The following PHF8 variants were observed in gnomAD, a reference collection of about 807,000 sequenced individuals.
PHF8 encodes the protein histone lysine demethylase PHF8.
In PHF8, 9 loss-of-function variants were observed where a neutral mutation model predicts 74.4. The ratio of observed to expected loss-of-function variants is 0.12; its 90% CI spans 0.07 to 0.21. PHF8 has a LOEUF of 0.21. Among genes scored for constraint, PHF8 ranks in the 10% least tolerant of loss-of-function variants. PHF8 has a pLI of 1.00. For missense variants in PHF8, 478 were observed against 816.6 expected, an observed-to-expected ratio of 0.59 and a Z score of 5.05; for synonymous variants, 311 against 316.6, an observed-to-expected ratio of 0.98 and a Z score of 0.19.
intron 14 of PHF8, among the ~76,000 whole-genome samples, chrX:53,991,491 G>T (rs2065659900): frequency 9.2e-6 from 1 of 108,867 alleles, no homozygotes; most frequent in African/African-American, 3.3e-5. Flanking sequence ...CGGAAACCCT[G>T]TCTCTACTAA....
At chrX:54,042,519 C>T (rs1254366985) in intron 2 of PHF8, 112 bp downstream of exon 2, 2 of 636,506 alleles carry the variant, frequency 3.1e-6, no homozygotes, top group Non-Finnish European at 2.5e-6. Context: ...GAACCTGAGT[C>T]TGGGAGAGGG....
intron 2 of PHF8, among the ~76,000 whole-genome samples, chrX:54,028,577 A>G (rs1223071279): frequency 9.0e-6 from 1 of 111,530 alleles, no homozygotes; most frequent in Non-Finnish European, 1.9e-5. Context: ...AAGCCAGATT[A>G]GACCCTTCCC....
intron 18 of PHF8, among the ~76,000 whole-genome samples, chrX:53,981,140 G>T (rs146874247): frequency 0.012 from 1,360 of 112,620 alleles, 23 homozygotes; most frequent in African/African-American, 0.04. Context: ...TTTGAACCAG[G>T]AAGGCAGAGA....
chrX:53,999,602 C>T (rs1289097128), intron 11 of PHF8: 7 of 326,296 alleles, frequency 2.1e-5, no homozygotes, highest in Non-Finnish European at 3.8e-5. Context: ...TAGCAGTTCC[C>T]GCTGAGTGTA....
chrX:53,945,291 G>A (rs1323589998), intron 19 of PHF8, among the ~76,000 whole-genome samples: 2 of 106,095 alleles, frequency 1.9e-5, no homozygotes, highest in Non-Finnish European at 3.9e-5. Context: ...CTTGCAGTAA[G>A]CTGAGATTGC....
At chrX:53,978,105 C>G (rs148427769) in intron 18 of PHF8, among the ~76,000 whole-genome samples, 8,709 of 108,684 alleles carry the variant, frequency 0.08, 583 homozygotes, top group African/African-American at 0.21. Context: ...GCCACCACAC[C>G]TGGCTAAATT....
Position 54,022,404 on chromosome X carries a change from C to T in PHF8, c.185-37G>A, listed in dbSNP as rs782178770. Reference sequence around the variant, plus strand: ...AAACATGAGAGATTGTGAGTCAGAACGGTCATGAGCTATGATACCAAGAAC... The same window carrying T: ...AAACATGAGAGATTGTGAGTCAGAATGGTCATGAGCTATGATACCAAGAAC... On this transcript the variant is annotated intron_variant, in intron 3 of 21. Transcript: ENST00000338154. The T allele has an allele frequency of 9.0e-6, 8 of 890,319 alleles. No homozygotes were observed. The African/African-American group carries it at 9.8e-5, about 11-fold the overall frequency. The allele number at this position is 890,319 out of a possible 1,213,427, so 73.4% of individuals were successfully genotyped here.
chrX:54,039,879 T>TA (rs1569530129), intron 2 of PHF8: 2 of 112,116 alleles, frequency 1.8e-5, no homozygotes, highest in Non-Finnish European at 3.8e-5. Context: ...TAACTAGAAA[T>TA]AAAAAATAGG....
chrX:53,941,712 TACAATAATA>T (rs1177392742), intron 20 of PHF8, among the ~76,000 whole-genome samples: 3 of 112,175 alleles, frequency 2.7e-5, no homozygotes, highest in Non-Finnish European at 5.6e-5. Flanking sequence ...ATTTCTGGGG[TACAATAATA>T]ACAATATTAG....
chrX:54,036,700 AT>A (rs1488088536), intron 2 of PHF8, among the ~76,000 whole-genome samples: 1 of 108,299 alleles, frequency 9.2e-6, no homozygotes, highest in Non-Finnish European at 1.9e-5. Flanking sequence ...AAAGGCTTAC[AT>A]TAGAAAAGAA....
chrX:53,958,182 C>T, intron 19 of PHF8, among the ~76,000 whole-genome samples: 1 of 108,812 alleles, frequency 9.2e-6, no homozygotes, highest in Non-Finnish European at 1.9e-5. Flanking sequence ...GATGGGACTA[C>T]AGGCGTGCGC....
At chrX:53,981,132 T>C (rs1165039631) in intron 18 of PHF8, among the ~76,000 whole-genome samples, 1 of 112,603 alleles carries the variant, frequency 8.9e-6, no homozygotes, top group African/African-American at 3.2e-5. Context: ...GAGAACTGTT[T>C]GAACCAGGAA....
chrX:53,994,634 C>A (rs6612345), intron 12 of PHF8, among the ~76,000 whole-genome samples: 1 of 112,571 alleles, frequency 8.9e-6, no homozygotes, highest in African/African-American at 3.2e-5. Context: ...AAGTGAGAGG[C>A]GCTGGAGAAA....
chrX:54,002,255 A>T lies in PHF8; in HGVS notation c.1041T>A (p.Tyr347Ter). 1 of 1,141,341 alleles carries T rather than the reference A, an allele frequency of 8.8e-7. No homozygotes were observed. Among genetic ancestry groups the T allele is most frequent in the Non-Finnish European group, 1.2e-6 (1 of 831,617 alleles). 94.1% of individuals were successfully genotyped at this position (1,141,341 alleles called of 1,213,427 possible). ...CTGTGCTCAGCCGCTTCTCAATCTC[A>T]TAGGCTCTAGAAGGAGGAAACACCA... Reference protein sequence around the residue: ...SLNIEMQLKAYEIEKRLSTAD... With the variant: ...SLNIEMQLKA Residue 347 changes from tyrosine (Y) to a stop codon, truncating the protein, a stop_gained, in exon 10 of 22, where the codon TAT becomes TAA. Coordinates refer to ENST00000338154, the MANE Select transcript of PHF8 (RefSeq NM_015107.3). LOFTEE classifies it high-confidence loss of function.
intron 10 of PHF8, among the ~76,000 whole-genome samples, chrX:54,000,750 C>CAACT (rs1297686669): frequency 1.8e-5 from 2 of 112,839 alleles, no homozygotes; most frequent in Admixed American, 1.9e-4. Flanking sequence ...AAGTGGCTTC[C>CAACT]AACTGGGCTA....
intron 18 of PHF8, among the ~76,000 whole-genome samples, chrX:53,981,841 G>T (rs953015854): frequency 9.0e-6 from 1 of 111,605 alleles, no homozygotes; most frequent in South Asian, 3.7e-4. Flanking sequence ...AGGACATGAG[G>T]TTATATTCAG....
rs60710201 is a variant in PHF8 at position 53,953,301 on chromosome X, A to C, written c.2540-9058T>G. Reference sequence around the variant, plus strand: ...AAAAAAAAAAACAAAACAACAACAAAAAAAAACCCCTCACATATAGAGAGA... The same window carrying C: ...AAAAAAAAAAACAAAACAACAACAACAAAAAACCCCTCACATATAGAGAGA... On this transcript the variant is annotated intron_variant, in intron 19 of 21. Coordinates refer to ENST00000338154, the MANE Select transcript of PHF8 (RefSeq NM_015107.3). Among the ~76,000 whole-genome samples, 697 of 92,992 alleles carry C rather than the reference A, an allele frequency of 7.5e-3. 6 individuals carry two copies. Among genetic ancestry groups the C allele is most frequent in the South Asian group, 0.016 (27 of 1,725 alleles). The allele number at this position is 92,992 out of a possible 115,157, so 80.8% of individuals were successfully genotyped here. A position where few individuals can be genotyped will look rare whatever the true frequency, so the allele number is the denominator to read the frequency against.
chrX:54,042,908 C>A, intron 1 of PHF8, 88 bp from the exon 2 acceptor site: 1 of 725,422 alleles, frequency 1.4e-6, no homozygotes, highest in Non-Finnish European at 1.9e-6. Context: ...ATAGAGTTAC[C>A]GCCGCCGGGA....
Position 53,987,763 on chromosome X carries a change from C to T in PHF8, c.1909+3G>A, listed in dbSNP as rs902610941. On this transcript the variant is annotated splice_donor_region_variant and intron_variant, in intron 15 of 21. Coordinates refer to ENST00000338154, the MANE Select transcript of PHF8 (RefSeq NM_015107.3). ...GGAGGAAAAAGAAAGAACAGACACA[C>T]ACTTGGTCTTATTATCAGGGTCGCC... 2.5e-6 allele frequency: 3 copies of T among 1,178,962 alleles called. No individual in the cohort carries two copies. The highest frequency in any genetic ancestry group is 1.8e-5 in the African/African-American group (1 of 56,718).
Sources: allele counts gnomAD v4.1 joint callset (sites outside exome capture counted in the v4.1 genomes callset), GRCh38; gene constraint gnomAD v4.1.1; transcripts MANE v1.5; gene names NCBI Gene and HGNC (gene_info 2026-07-23, HGNC 2026-07-21).